Variants in TMEM43 observed in about 807,000 individuals in gnomAD.
TMEM43 encodes the protein transmembrane protein 43, also known as arrhythmogenic right ventricular dysplasia 5.
TMEM43 carries 45 observed loss-of-function variants against 49.6 expected under a neutral mutation model. The observed-to-expected ratio is 0.91, with a 90% CI of 0.71 to 1.16. The LOEUF is 1.16. Ranked by LOEUF, TMEM43 falls within the 50% of genes most tolerant of loss-of-function variation. The pLI, the probability that TMEM43 is intolerant of heterozygous loss-of-function variation, is 0.00. For synonymous variants in TMEM43, 199 were observed against 207.8 expected, an observed-to-expected ratio of 0.96 and a Z score of 0.36; for missense variants, 532 against 516.6, an observed-to-expected ratio of 1.03 and a Z score of -0.29.
chr3:14,129,338 AGTATAAATAAATAGC>A, intron 1 of TMEM43, 59 bp from the exon 2 acceptor site: 1 of 578,506 alleles, frequency 1.7e-6, no homozygotes, highest in Non-Finnish European at 2.8e-6. Context: ...AAAAAAATTG[AGTATAAATAAATAGC>A]AAATTTAATT....
Position 14,125,151 on chromosome 3 carries a change from T to C in TMEM43, c.-43T>C, listed in dbSNP as rs1191708589. ...ACGCTCCAGTCGTCAGCCCACTTCC[T>C]AGCTGAACAGCGCGAGGCGGCGGCA... On this transcript the variant is annotated 5_prime_UTR_variant, in exon 1 of 12. Transcript: ENST00000306077. 5.0e-6 allele frequency: 8 copies of C among 1,608,432 alleles called. No homozygotes were observed. The highest frequency in any genetic ancestry group is 5.9e-6 in the Non-Finnish European group (7 of 1,178,794).
intron 9 of TMEM43, 66 bp from the exon 10 acceptor site, chr3:14,135,741 C>T: frequency 1.4e-6 from 2 of 1,406,632 alleles, no homozygotes; most frequent in South Asian, 1.2e-5. Context: ...GAGGGTGGGC[C>T]ATGGCTCTCG....
chr3:14,132,414 T>C, intron 4 of TMEM43, 132 bp from the exon 5 acceptor site: 1 of 878,390 alleles, frequency 1.1e-6, no homozygotes. Flanking sequence ...GGGGCTGGTG[T>C]AGAGAAGGCA....
intron 1 of TMEM43, among the ~76,000 whole-genome samples, chr3:14,126,008 A>G (rs1040077116): frequency 3.3e-5 from 5 of 152,132 alleles, no homozygotes; most frequent in Non-Finnish European, 5.9e-5. Context: ...TTAGGAGCCC[A>G]GCCAGCCCCA....
chr3:14,135,086 C>T (rs1244781788), intron 8 of TMEM43, 72 bp from the exon 9 acceptor site: 28 of 1,517,426 alleles, frequency 1.8e-5, no homozygotes, highest in Admixed American at 1.0e-4. Context: ...GGGGCGTAGC[C>T]GAGGCATCCT....
At chr3:14,138,767 A>C (rs893376296) in intron 10 of TMEM43, among the ~76,000 whole-genome samples, 3 of 152,222 alleles carry the variant, frequency 2.0e-5, no homozygotes, top group African/African-American at 7.2e-5. Flanking sequence ...ACAGCGATGG[A>C]GCCTGAGAAG....
At position 14,134,624 on chromosome 3, in the gene TMEM43, G is replaced by A. The variant is rs1042221744; in HGVS notation, c.584-146G>A. 5.6e-5 allele frequency: 61 copies of A among 1,093,092 alleles called. 1 individual carries two copies. The Middle Eastern group carries it at 1.2e-3, about 22-fold the overall frequency. 67.7% of individuals were successfully genotyped at this position (1,093,092 alleles called of 1,614,324 possible). A position where few individuals can be genotyped will look rare whatever the true frequency, so the allele number is the denominator to read the frequency against. On this transcript the variant is annotated intron_variant, in intron 7 of 11. Transcript: ENST00000306077. Reference sequence around the variant, plus strand: ...GTCTAACCCAGGGGAAGCCGTGGACGAGACAGAGTCAGAAAGAGGCACTGC... The same window carrying A: ...GTCTAACCCAGGGGAAGCCGTGGACAAGACAGAGTCAGAAAGAGGCACTGC...
chr3:14,135,047 A>C (rs1208148990), intron 8 of TMEM43, 111 bp from the exon 9 acceptor site: 4 of 1,477,332 alleles, frequency 2.7e-6, no homozygotes, highest in South Asian at 1.1e-5. Flanking sequence ...CAGCCTGGGC[A>C]CGGGTGTGGA....
At chr3:14,136,410 G>A (rs1254124204) in intron 10 of TMEM43, among the ~76,000 whole-genome samples, 1 of 152,226 alleles carries the variant, frequency 6.6e-6, no homozygotes, top group Non-Finnish European at 1.5e-5. Context: ...AGACTGTCCG[G>A]TAGAGGAGTG....
Position 14,142,150 on chromosome 3 carries a change from A to T in TMEM43, c.*355A>T, listed in dbSNP as rs1197603074. On this transcript the variant is annotated 3_prime_UTR_variant, in exon 12 of 12. Coordinates refer to ENST00000306077, the MANE Select transcript of TMEM43 (RefSeq NM_024334.3). Reference sequence around the variant, plus strand: ...AGACACGCTCTACGGAGGCCTGCTGATAAAGGGCTCAGCCTTGCCGTGTGC... The same window carrying T: ...AGACACGCTCTACGGAGGCCTGCTGTTAAAGGGCTCAGCCTTGCCGTGTGC... 4.6e-5 allele frequency: 16 copies of T among 344,460 alleles called. No individual in the cohort carries two copies. The highest frequency in any genetic ancestry group is 3.3e-5 in the Non-Finnish European group (6 of 179,760). 21.3% of individuals were successfully genotyped at this position (344,460 alleles called of 1,614,324 possible). A position where few individuals can be genotyped will look rare whatever the true frequency, so the allele number is the denominator to read the frequency against.
chr3:14,135,315 C>A, intron 9 of TMEM43, 83 bp downstream of exon 9: 1 of 1,151,930 alleles, frequency 8.7e-7, no homozygotes, highest in Non-Finnish European at 1.3e-6. Flanking sequence ...ATGTCAGGAG[C>A]GCTTGGACCC....
At chr3:14,126,442 A>G (rs1482614176) in intron 1 of TMEM43, among the ~76,000 whole-genome samples, 1 of 152,162 alleles carries the variant, frequency 6.6e-6, no homozygotes, top group African/African-American at 2.4e-5. Flanking sequence ...CCGGCTTGGC[A>G]TGCTGTGACA....
chr3:14,141,233 C>G (rs1034503983), intron 11 of TMEM43, among the ~76,000 whole-genome samples: 2 of 152,214 alleles, frequency 1.3e-5, no homozygotes, highest in Non-Finnish European at 2.9e-5. Context: ...CACCCACAGC[C>G]TCTTGTATGA....
chr3:14,130,603 G>C (rs951302859), intron 2 of TMEM43, among the ~76,000 whole-genome samples: 3 of 152,188 alleles, frequency 2.0e-5, no homozygotes, highest in Non-Finnish European at 4.4e-5. Flanking sequence ...GGGCTAGTGG[G>C]AACCAATGGG....
At chr3:14,139,356 C>T (rs199524615) in intron 11 of TMEM43, 59 bp downstream of exon 11, 93 of 1,214,742 alleles carry the variant, frequency 7.7e-5, no homozygotes, top group Non-Finnish European at 1.1e-4. Flanking sequence ...CCTCCTCTGC[C>T]TGTCGCATCA....
chr3:14,136,493 C>A (rs557273977), intron 10 of TMEM43, among the ~76,000 whole-genome samples: 1 of 152,304 alleles, frequency 6.6e-6, no homozygotes, highest in Non-Finnish European at 1.5e-5. Flanking sequence ...TGCTCTGATA[C>A]CAGTGGACGT....
intron 11 of TMEM43, among the ~76,000 whole-genome samples, chr3:14,140,284 C>T (rs933675041): frequency 8.5e-5 from 13 of 152,080 alleles, no homozygotes; most frequent in Non-Finnish European, 1.5e-4. Flanking sequence ...GCCTGTGTGA[C>T]CCTGGGGAGA....
At chr3:14,130,244 C>T (rs1434122616) in intron 2 of TMEM43, among the ~76,000 whole-genome samples, 3 of 152,030 alleles carry the variant, frequency 2.0e-5, no homozygotes, top group Non-Finnish European at 4.4e-5. Context: ...AATCAGTCTC[C>T]GTGTCCAGGG....
chr3:14,126,337 G>A (rs896044921), intron 1 of TMEM43, among the ~76,000 whole-genome samples: 1 of 152,218 alleles, frequency 6.6e-6, no homozygotes, highest in South Asian at 2.1e-4. Flanking sequence ...TCTGTAGTAT[G>A]TGGACTCTTT....
Sources: allele counts gnomAD v4.1 joint callset (sites outside exome capture counted in the v4.1 genomes callset), GRCh38; gene constraint gnomAD v4.1.1; transcripts MANE v1.5; gene names NCBI Gene and HGNC (gene_info 2026-07-23, HGNC 2026-07-21).